Variants in GPN2 observed in about 807,000 individuals in gnomAD.
The protein encoded by GPN2 is ATP-binding domain 1 family member B.
GPN2 carries 27 observed loss-of-function variants against 30.1 expected under a neutral mutation model. The observed-to-expected ratio is 0.90, with a 90% confidence interval of 0.66 to 1.24. The LOEUF (loss-of-function observed/expected upper bound fraction) is 1.24, where lower values mean the gene tolerates loss of function less well. GPN2 is among the 50% of genes most tolerant of loss of function. GPN2 has a pLI of 0.00. For synonymous variants in GPN2, 212 were observed against 174.4 expected (o/e 1.22, Z -1.70); for missense variants, 406 against 405.4 (o/e 1.00, Z -0.01).
chr1:26,888,925 G>A (rs765642525), intron 2 of GPN2, 44 bp downstream of exon 2: 2 of 1,601,926 alleles, frequency 1.2e-6, no homozygotes, highest in Admixed American at 1.7e-5. Context: ...CTTCATTCTA[G>A]CCCAGCTGCT....
At position 26,886,038 on chromosome 1, in the gene GPN2, T is replaced by C. The variant is rs141045872; in HGVS notation, c.664A>G (p.Asn222Asp). The C allele has an allele frequency of 3.8e-4, 607 of 1,613,058 alleles. No individual in the cohort carries two copies. The highest frequency in any genetic ancestry group is 4.9e-4 in the Non-Finnish European group (583 of 1,179,206). The part of the protein sequence containing the change: ...DPFFRHYRQL[N>D]EKLVQLIEDY... ...TCGATGAGCTGCACTAGCTTCTCAT[T>C]GAGCTGGCGGTAGTGGCGGAAGAAA... Residue 222 changes from asparagine to aspartate, a missense_variant, in exon 3 of 5, where the codon AAT becomes GAT. Physicochemically the swap from Asn to Asp is conservative, Grantham distance 23 (BLOSUM62 1). Coordinates refer to ENST00000374135, the MANE Select transcript of GPN2 (RefSeq NM_018066.4).
rs1319170081 is a variant in GPN2, at chr1:26,876,267, G to A, written c.*3410C>T. On this transcript the variant is annotated 3_prime_UTR_variant, in exon 5 of 5. Coordinates refer to ENST00000374135, the MANE Select transcript of GPN2 (RefSeq NM_018066.4). ...TTTCCATCTTGTTACCCAGGCTGGA[G>A]TGCAATGGCGCGATCTCCGCTCACT... The A allele has an allele frequency of 1.3e-5, 2 of 150,996 alleles. No homozygotes were observed. Among genetic ancestry groups the A allele is most frequent in the South Asian group, 2.1e-4 (1 of 4,806 alleles). The allele number at this position is 150,996 out of a possible 1,614,324, so 9.4% of individuals were successfully genotyped here. A position where few individuals can be genotyped will look rare whatever the true frequency, so the allele number is the denominator to read the frequency against.
At chr1:26,887,877 A>G (rs1439750375) in intron 2 of GPN2, among the ~76,000 whole-genome samples, 2 of 121,680 alleles carry the variant, frequency 1.6e-5, no homozygotes, top group Non-Finnish European at 3.4e-5. Context: ...TTTTTTTTTG[A>G]GACGGAGTTT....
At chr1:26,888,810 A>T in intron 2 of GPN2, 159 bp downstream of exon 2, 1 of 704,794 alleles carries the variant, frequency 1.4e-6, no homozygotes, top group East Asian at 2.5e-5. Context: ...GGTAACTAGC[A>T]CAGAGTGGCA....
At chr1:26,880,791 G>A (rs1165701187) in intron 4 of GPN2, among the ~76,000 whole-genome samples, 1 of 152,330 alleles carries the variant, frequency 6.6e-6, no homozygotes, top group South Asian at 2.1e-4. Context: ...TGCAACCCTT[G>A]AAACCTGTCT....
chr1:26,882,635 T>C (rs747953433), intron 4 of GPN2, among the ~76,000 whole-genome samples: 9 of 152,218 alleles, frequency 5.9e-5, no homozygotes, highest in Non-Finnish European at 1.3e-4. Context: ...GCATGCTGCA[T>C]AGATGCTGAA....
chr1:26,890,053 A>C lies in GPN2; in HGVS notation c.44T>G (p.Ile15Ser). 1 of 1,581,268 alleles carries C rather than the reference A, an allele frequency of 6.3e-7. No homozygotes were observed. Among genetic ancestry groups the C allele is most frequent in the Non-Finnish European group, 8.6e-7 (1 of 1,169,154 alleles). ...GGTCTTCCCTGAGCCCGGCGGGCCG[A>C]TCACCGCCTGCCCGAAGGCCGTGGT... ...APTTAFGQAV[I>S]GPPGSGKTTY... The change falls in exon 1 of 5, where the codon ATC (isoleucine) becomes AGC (serine). Residue 15 changes from isoleucine to serine, a missense_variant. Ile to Ser is a moderately radical substitution (Grantham distance 142, BLOSUM62 -2). Transcript: ENST00000374135.
intron 4 of GPN2, among the ~76,000 whole-genome samples, chr1:26,880,956 C>A (rs2081861633): frequency 6.6e-6 from 1 of 152,224 alleles, no homozygotes; most frequent in African/African-American, 2.4e-5. Context: ...CAAAGCTGAC[C>A]ACTCCCTTAT....
chr1:26,884,531 T>A (rs1406066660), intron 3 of GPN2, among the ~76,000 whole-genome samples: 1 of 152,208 alleles, frequency 6.6e-6, no homozygotes, highest in Non-Finnish European at 1.5e-5. Flanking sequence ...ACACCTATTG[T>A]ACATGGTATC....
At chr1:26,881,370 A>T (rs1335780470) in intron 4 of GPN2, among the ~76,000 whole-genome samples, 1 of 152,226 alleles carries the variant, frequency 6.6e-6, no homozygotes, top group Non-Finnish European at 1.5e-5. Context: ...AGTATTGAAT[A>T]TCTCATGTAA....
chr1:26,886,518 C>T (rs2081891950), intron 2 of GPN2: 3 of 449,984 alleles, frequency 6.7e-6, no homozygotes, highest in Non-Finnish European at 1.3e-5. Context: ...GGTGAAACTC[C>T]ATTTCTCCTA....
intron 2 of GPN2, among the ~76,000 whole-genome samples, chr1:26,886,932 G>A (rs374104966): frequency 6.7e-5 from 10 of 149,992 alleles, no homozygotes; most frequent in African/African-American, 2.2e-4. Context: ...GGCGGAGGAT[G>A]CAGTGAGCCG....
chr1:26,889,008 G>C lies in GPN2; in HGVS notation c.529C>G (p.Leu177Val), dbSNP rs1255150017. ...LHVELPHINL[L>V]SKMDLIEHYG... ...TGCTCAATGAGGTCCATCTTGGAAA[G>C]GAGGTTGATGTGGGGCAGTTCCACG... is the stretch of plus-strand genomic sequence containing the variant. The change falls in exon 2 of 5, where the codon CTT becomes GTT. Residue 177 changes from leucine (L) to valine (V), a missense_variant. Leu to Val is a conservative substitution (Grantham distance 32). Coordinates refer to ENST00000374135, the MANE Select transcript of GPN2 (RefSeq NM_018066.4). The C allele has an allele frequency of 6.2e-7, 1 of 1,614,246 alleles. No individual in the cohort carries two copies. The highest frequency in any genetic ancestry group is 2.2e-5 in the East Asian group (1 of 44,896).
At chr1:26,888,793 C>A (rs2081904530) in intron 2 of GPN2, 176 bp downstream of exon 2, 2 of 666,732 alleles carry the variant, frequency 3.0e-6, no homozygotes, top group East Asian at 5.0e-5. Context: ...TCTCCAAAAT[C>A]TACAACGGTA....
rs2081908150 is a variant in GPN2, at chr1:26,889,362, T to C, written c.412-237A>G. On this transcript the variant is annotated intron_variant, in intron 1 of 4. Coordinates refer to ENST00000374135, the MANE Select transcript of GPN2 (RefSeq NM_018066.4). ...CAAGGGGTTTAAATCCCATGGCATC[T>C]GACTCCACTCTTTCATTTACTTTTG... Among the ~76,000 whole-genome samples, 3 of 152,176 alleles carry C rather than the reference T, an allele frequency of 2.0e-5. No individual in the cohort carries two copies. The South Asian group carries it at 6.2e-4, about 31-fold the overall frequency.
Position 26,886,048 on chromosome 1 carries a change from G to T in GPN2, c.654C>A (p.Tyr218Ter). The change falls in exon 3 of 5, where the codon TAC becomes TAA. Residue 218 changes from tyrosine (Y) to a stop codon, truncating the protein, a stop_gained. Transcript: ENST00000374135. LOFTEE classifies it high-confidence loss of function. Reference protein sequence around the residue: ...HLASDPFFRHYRQLNEKLVQL... With the variant: ...HLASDPFFRH ...GCACTAGCTTCTCATTGAGCTGGCG[G>T]TAGTGGCGGAAGAAAGGGTCAGAAG... 1 of 1,613,228 alleles carries T rather than the reference G, an allele frequency of 6.2e-7. No individual in the cohort carries two copies. Among genetic ancestry groups the T allele is most frequent in the Non-Finnish European group, 8.5e-7 (1 of 1,179,194 alleles).
At chr1:26,881,277 T>A (rs1053793694) in intron 4 of GPN2, among the ~76,000 whole-genome samples, 1 of 152,218 alleles carries the variant, frequency 6.6e-6, no homozygotes, top group Non-Finnish European at 1.5e-5. Context: ...TAGCTTAGTT[T>A]CGCCTACCTT....
intron 4 of GPN2, among the ~76,000 whole-genome samples, chr1:26,881,863 T>C (rs543085462): frequency 3.3e-5 from 5 of 152,168 alleles, no homozygotes; most frequent in East Asian, 1.9e-4. Context: ...TGAGCTATGA[T>C]TGCATCACTG....
rs1403935577 is a variant in GPN2, at chr1:26,876,669, C to T, written c.*3008G>A. The T allele has an allele frequency of 6.6e-6, 1 of 152,120 alleles. No individual in the cohort carries two copies. The highest frequency in any genetic ancestry group is 1.5e-5 in the Non-Finnish European group (1 of 68,052). 9.4% of individuals were successfully genotyped at this position (152,120 alleles called of 1,614,324 possible). A position where few individuals can be genotyped will look rare whatever the true frequency, so the allele number is the denominator to read the frequency against. ...CACTGAACAGGCCTCACTTGGATCTCGGACATCTTCCTTTCTGCACTGTGC... is the reference window on the plus strand; with the variant it reads ...CACTGAACAGGCCTCACTTGGATCTTGGACATCTTCCTTTCTGCACTGTGC... On this transcript the variant is annotated 3_prime_UTR_variant, in exon 5 of 5. Transcript: ENST00000374135.
Sources: allele counts gnomAD v4.1 joint callset (sites outside exome capture counted in the v4.1 genomes callset), GRCh38; gene constraint gnomAD v4.1.1; transcripts MANE v1.5; gene names NCBI Gene and HGNC (gene_info 2026-07-23, HGNC 2026-07-21).